Variants in CHCT1 observed in about 807,000 individuals in gnomAD.
The protein encoded by CHCT1 is CHD1 helical C-terminal domain containing protein 1.
chr17:60,425,173 T>C, the CHCT1 span, among the ~76,000 whole-genome samples: 4 of 152,248 alleles, frequency 2.6e-5, no homozygotes, highest in South Asian at 4.1e-4. Flanking sequence ...CTTGGGAAGA[T>C]AGATTTGAGG....
chr17:60,426,870 C>T, the CHCT1 span: 1 of 1,547,408 alleles, frequency 6.5e-7, no homozygotes, highest in East Asian at 2.4e-5. Context: ...TTGATGTGTC[C>T]TTAGACTTGC....
the CHCT1 span, chr17:60,429,613 T>C: frequency 6.4e-7 from 1 of 1,554,432 alleles, no homozygotes. Context: ...GTGAGTGGTG[T>C]CTGGGTGTTT....
At chr17:60,423,601 T>C in the CHCT1 span, among the ~76,000 whole-genome samples, 1 of 152,064 alleles carries the variant, frequency 6.6e-6, no homozygotes, top group Admixed American at 6.6e-5. Flanking sequence ...GTAGATGGGA[T>C]TACAGGCACG....
At chr17:60,424,765 C>T in the CHCT1 span, among the ~76,000 whole-genome samples, 7 of 151,870 alleles carry the variant, frequency 4.6e-5, no homozygotes, top group Admixed American at 1.3e-4. Context: ...CCCAGCTACT[C>T]GGGAGGCTGA....
At chr17:60,426,345 G>A in the CHCT1 span, 23 of 1,548,972 alleles carry the variant, frequency 1.5e-5, no homozygotes, top group Non-Finnish European at 1.9e-5. Flanking sequence ...AAGTAGGGCA[G>A]TCTCTTTGCT....
At chr17:60,426,254 C>T in the CHCT1 span, 1 of 1,552,022 alleles carries the variant, frequency 6.4e-7, no homozygotes, top group South Asian at 1.2e-5. Flanking sequence ...GTACATGAAG[C>T]AGAGCCTTGT....
the CHCT1 span, chr17:60,429,433 C>G: frequency 6.2e-7 from 1 of 1,614,256 alleles, no homozygotes; most frequent in Non-Finnish European, 8.5e-7. Context: ...TGCCCAAGCT[C>G]TGCCATGCAT....
the CHCT1 span, chr17:60,429,467 G>C: frequency 6.2e-7 from 1 of 1,614,238 alleles, no homozygotes; most frequent in Non-Finnish European, 8.5e-7. Flanking sequence ...CAACATCAGC[G>C]GCATGAAGGA....
chr17:60,426,138 C>CA, the CHCT1 span: 3 of 1,550,174 alleles, frequency 1.9e-6, no homozygotes, highest in South Asian at 3.6e-5. Context: ...CATGGCCCCT[C>CA]ACCTCACCTG....
chr17:60,431,317 G>A, the CHCT1 span: 2 of 1,331,780 alleles, frequency 1.5e-6, no homozygotes, highest in South Asian at 1.3e-5. Context: ...CAGAGCACGG[G>A]GAATGGAGAC....
chr17:60,430,503 C>T, the CHCT1 span, among the ~76,000 whole-genome samples: 8 of 152,190 alleles, frequency 5.3e-5, no homozygotes, highest in East Asian at 1.2e-3. Flanking sequence ...TTTTTTGAGA[C>T]GGAGTCTCAC....
At chr17:60,426,748 G>A in the CHCT1 span, 22 of 1,611,178 alleles carry the variant, frequency 1.4e-5, no homozygotes, top group East Asian at 1.3e-4. Context: ...CCCTCTTCTC[G>A]GAGCTGGAAG....
At chr17:60,422,038 G>A in the CHCT1 span, 1 of 770,704 alleles carries the variant, frequency 1.3e-6, no homozygotes, top group Non-Finnish European at 1.5e-6. Context: ...ACCCAGCACG[G>A]AGGGCTTATT....
At chr17:60,426,837 G>T in the CHCT1 span, 1 of 1,580,692 alleles carries the variant, frequency 6.3e-7, no homozygotes, top group Non-Finnish European at 8.6e-7. Context: ...AAGACATTCC[G>T]CCCGAGCACA....
chr17:60,423,867 A>G, the CHCT1 span, among the ~76,000 whole-genome samples: 14 of 152,212 alleles, frequency 9.2e-5, no homozygotes, highest in African/African-American at 3.4e-4. Context: ...ATGGTTTATT[A>G]GTCCATTTTG....
the CHCT1 span, chr17:60,426,943 G>A: frequency 6.7e-7 from 1 of 1,485,380 alleles, no homozygotes. Flanking sequence ...CACTGCCAGG[G>A]CAAGACTCTG....
chr17:60,429,291 C>T, the CHCT1 span: 13 of 1,480,254 alleles, frequency 8.8e-6, no homozygotes, highest in South Asian at 6.4e-5. Context: ...TCAACAAATG[C>T]GGTGCTGGGA....
At chr17:60,422,177 C>T in the CHCT1 span, 2 of 277,596 alleles carry the variant, frequency 7.2e-6, no homozygotes, top group African/African-American at 2.3e-5. Flanking sequence ...TCTCGGGGAG[C>T]CCCCACCACG....
chr17:60,428,804 A>G, the CHCT1 span, among the ~76,000 whole-genome samples: 1 of 151,868 alleles, frequency 6.6e-6, no homozygotes, highest in Non-Finnish European at 1.5e-5. Context: ...TTATATATAT[A>G]TAGTCTTTGA....
Sources: allele counts gnomAD v4.1 joint callset (sites outside exome capture counted in the v4.1 genomes callset), GRCh38; gene constraint gnomAD v4.1.1; transcripts MANE v1.5; gene names NCBI Gene and HGNC (gene_info 2026-07-23, HGNC 2026-07-21).